The following JAKMIP3 variants were observed in gnomAD, a reference collection of about 807,000 sequenced individuals.
The protein encoded by JAKMIP3 is Janus kinase and microtubule interacting protein 3, also known as janus kinase and microtubule-interacting protein 3.
Under a neutral mutation model 118.5 loss-of-function variants are expected in JAKMIP3, and 58 were observed. That is an observed-to-expected ratio of 0.49 (90% CI 0.40 to 0.61). The LOEUF (loss-of-function observed/expected upper bound fraction) is 0.61, where lower values mean the gene tolerates loss of function less well. Ranked by LOEUF, JAKMIP3 falls within the 20% of genes least tolerant of loss-of-function variation. The probability of loss-of-function intolerance (pLI) is 0.00; values close to 1 mark genes in which losing one functional copy is unlikely to be tolerated. For synonymous variants in JAKMIP3, 486 were observed against 451.2 expected (o/e 1.08, Z -0.98); for missense variants, 950 against 1,109.0 (o/e 0.86, Z 2.04).
chr10:132,140,466 A>G lies in JAKMIP3; in HGVS notation c.1360A>G (p.Thr454Ala). The change falls in exon 10 of 24, where the codon ACC becomes GCC. Residue 454 changes from threonine to alanine, a missense_variant. Thr to Ala is a moderately conservative substitution (Grantham distance 58). Coordinates refer to ENST00000684848, the MANE Select transcript of JAKMIP3 (RefSeq NM_001323087.2). The part of the protein sequence containing the change: ...AKLPKPVVVE[T>A]FFGYDEEASL... ...TGGTCACAAGCCGGTGGTTGTGGAG[A>G]CCTTCTTTGGATACGACGAAGAGGC... 1 of 1,613,634 alleles carries G rather than the reference A, an allele frequency of 6.2e-7. No homozygotes were observed. Among genetic ancestry groups the G allele is most frequent in the Non-Finnish European group, 8.5e-7 (1 of 1,179,816 alleles).
chr10:132,159,114 C>T (rs1160101526), intron 19 of JAKMIP3, among the ~76,000 whole-genome samples: 1 of 140,344 alleles, frequency 7.1e-6, no homozygotes, highest in African/African-American at 2.7e-5. Context: ...GGGGGCGTCT[C>T]TCCCCGTGTG....
intron 16 of JAKMIP3, among the ~76,000 whole-genome samples, chr10:132,151,165 C>T (rs1164438150): frequency 2.6e-5 from 4 of 152,112 alleles, no homozygotes; most frequent in African/African-American, 7.2e-5. Context: ...CTCCAAAATC[C>T]ATCAATCCAT....
intron 1 of JAKMIP3, among the ~76,000 whole-genome samples, chr10:132,104,242 G>A (rs1395084395): frequency 6.6e-6 from 1 of 152,106 alleles, no homozygotes; most frequent in Non-Finnish European, 1.5e-5. Flanking sequence ...CCTGGGTGCA[G>A]CTTGTGGGTC....
intron 1 of JAKMIP3, among the ~76,000 whole-genome samples, chr10:132,070,134 ATT>A (rs796955225): frequency 6.7e-5 from 10 of 148,842 alleles, no homozygotes; most frequent in Non-Finnish European, 1.0e-4. Context: ...ACTGTCTTCC[ATT>A]TTTTTTTTTA....
chr10:132,177,582 G>A (rs1435341061), intron 23 of JAKMIP3, among the ~76,000 whole-genome samples: 1 of 147,724 alleles, frequency 6.8e-6, no homozygotes, highest in Non-Finnish European at 1.5e-5. Context: ...CCTGTGCCCT[G>A]GGTAGGGTGC....
chr10:132,104,883 C>A lies in JAKMIP3; in HGVS notation c.75C>A (p.Asn25Lys). ...AEALAALQAANEDLRAKLTDI... is the reference protein window; with the variant it reads ...AEALAALQAAKEDLRAKLTDI... ...CCCTCGCGGCGCTGCAGGCGGCCAA[C>A]GAGGATCTTCGAGCCAAGCTCACAG... is the stretch of plus-strand genomic sequence containing the variant. Residue 25 changes from asparagine to lysine, a missense_variant, in exon 2 of 24, where the codon AAC becomes AAA. Coordinates refer to ENST00000684848, the MANE Select transcript of JAKMIP3 (RefSeq NM_001323087.2). 6.3e-7 allele frequency: 1 copy of A among 1,575,986 alleles called. No homozygotes were observed.
intron 1 of JAKMIP3, among the ~76,000 whole-genome samples, chr10:132,083,937 C>T (rs2042084037): frequency 1.3e-5 from 2 of 152,076 alleles, no homozygotes; most frequent in African/African-American, 4.8e-5. Context: ...GTGACTATGG[C>T]CTTATAGTAT....
At position 132,168,818 on chromosome 10, in the gene JAKMIP3, C is replaced by G. The variant is rs968826144; in HGVS notation, c.*888C>G. On this transcript the variant is annotated 3_prime_UTR_variant, in exon 23 of 24. Transcript: ENST00000684848. Reference sequence around the variant, plus strand: ...TGAATCTCCAGAAGTCACAGAGGCCCTGGGCACCCAGAGCCACCCAGCCTG... The same window carrying G: ...TGAATCTCCAGAAGTCACAGAGGCCGTGGGCACCCAGAGCCACCCAGCCTG... 3.7e-5 allele frequency: 8 copies of G among 216,982 alleles called. No individual in the cohort carries two copies. The highest frequency in any genetic ancestry group is 1.9e-4 in the African/African-American group (8 of 42,132). The allele number at this position is 216,982 out of a possible 1,614,324, so 13.4% of individuals were successfully genotyped here.
intron 2 of JAKMIP3, among the ~76,000 whole-genome samples, chr10:132,114,360 G>A (rs995342169): frequency 7.9e-5 from 12 of 152,196 alleles, no homozygotes; most frequent in African/African-American, 1.4e-4. Flanking sequence ...GACTACAGGC[G>A]TGCATCACTG....
intron 3 of JAKMIP3, among the ~76,000 whole-genome samples, chr10:132,131,642 G>A (rs751156523): frequency 8.6e-5 from 13 of 152,018 alleles, no homozygotes; most frequent in Non-Finnish European, 1.3e-4. Context: ...GACACAGGGC[G>A]GCCGTTTGGA....
intron 22 of JAKMIP3, 78 bp from the exon 23 acceptor site, chr10:132,167,871 CCCCT>C: frequency 9.2e-7 from 1 of 1,091,200 alleles, no homozygotes; most frequent in African/African-American, 1.6e-5. Context: ...TCGGCCCTCG[CCCCT>C]CGCCCCTCGG....
intron 21 of JAKMIP3, among the ~76,000 whole-genome samples, chr10:132,165,064 C>T (rs2058755150): frequency 6.6e-6 from 1 of 152,262 alleles, no homozygotes. Flanking sequence ...GCCTCGGGTT[C>T]CTCCCATCAC....
At chr10:132,127,210 G>A (rs1474040828) in intron 3 of JAKMIP3, among the ~76,000 whole-genome samples, 1 of 148,552 alleles carries the variant, frequency 6.7e-6, no homozygotes, top group African/African-American at 2.5e-5. Flanking sequence ...CCCACTTATT[G>A]ACATTAGACT....
intron 23 of JAKMIP3, among the ~76,000 whole-genome samples, chr10:132,176,643 C>A (rs982802478): frequency 6.6e-6 from 1 of 152,144 alleles, no homozygotes; most frequent in Non-Finnish European, 1.5e-5. Flanking sequence ...AAGGCAGACT[C>A]TTTAATTGTG....
intron 19 of JAKMIP3, among the ~76,000 whole-genome samples, chr10:132,157,031 A>T (rs1255518807): frequency 6.6e-6 from 1 of 152,156 alleles, no homozygotes; most frequent in East Asian, 1.9e-4. Flanking sequence ...ATGGGGATAC[A>T]CATAGTATCT....
At chr10:132,128,407 C>T (rs895241670) in intron 3 of JAKMIP3, among the ~76,000 whole-genome samples, 12 of 152,300 alleles carry the variant, frequency 7.9e-5, no homozygotes, top group African/African-American at 2.2e-4. Flanking sequence ...TAAAAAAATA[C>T]TGCTTGGAGA....
intron 1 of JAKMIP3, among the ~76,000 whole-genome samples, chr10:132,042,219 T>TTCC (rs1564848163): frequency 2.7e-4 from 8 of 29,212 alleles, no homozygotes; most frequent in Non-Finnish European, 4.2e-4. Context: ...TCCTTCCTTC[T>TTCC]TTCCTCCTCC....
intron 2 of JAKMIP3, 34 bp downstream of exon 2, chr10:132,104,977 C>A: frequency 6.4e-7 from 1 of 1,564,612 alleles, no homozygotes; most frequent in Non-Finnish European, 8.7e-7. Context: ...CCTTGAATGT[C>A]CCTCCCTCCT....
chr10:132,180,578 TGC>T lies in JAKMIP3; in HGVS notation c.*1104-1777_*1104-1776del, dbSNP rs1479545752. 9.1e-3 allele frequency among the ~76,000 whole-genome samples: 216 copies of T among 23,792 alleles called. 54 individuals are homozygous for T. Among genetic ancestry groups the T allele is most frequent in the East Asian group, 0.034 (4 of 118 alleles). The allele number at this position is 23,792 out of a possible 152,430, so 15.6% of individuals were successfully genotyped here. ...GCATGCGTGTGTGTGCGTGTGTGTG[TGC>T]GTGCGCGTGTGTGTGTGCGTGCGCG... On this transcript the variant is annotated intron_variant, in intron 23 of 23. Transcript: ENST00000684848.
Sources: gnomAD v4.1 joint callset for allele counts (sites outside exome capture counted in the v4.1 genomes callset) on GRCh38, gnomAD v4.1.1 for gene constraint, MANE v1.5 for transcripts, NCBI Gene and HGNC (gene_info 2026-07-23, HGNC 2026-07-21) for gene names.